The following TTC13 variants were observed in gnomAD, a reference collection of about 807,000 sequenced individuals.
TTC13 encodes tetratricopeptide repeat domain 13, also known as tetratricopeptide repeat protein 13.
TTC13 carries 62 observed loss-of-function variants against 120.0 expected under a neutral mutation model. The ratio of observed to expected loss-of-function variants is 0.52; its 90% confidence interval spans 0.42 to 0.64. TTC13 has a LOEUF of 0.64. Among genes scored for constraint, TTC13 ranks in the 30% least tolerant of loss-of-function variants. The probability of loss-of-function intolerance (pLI) is 0.00; values close to 1 mark genes in which losing one functional copy is unlikely to be tolerated. For synonymous variants in TTC13, 384 were observed against 393.5 expected (o/e 0.98, Z 0.28); for missense variants, 824 against 1,050.2 (o/e 0.78, Z 2.98).
chr1:230,960,574 T>G lies in TTC13; in HGVS notation c.366+635A>C, dbSNP rs1157865914. Among the ~76,000 whole-genome samples the G allele has an allele frequency of 6.5e-5, 9 of 138,686 alleles. No individual in the cohort carries two copies. In the East Asian group the frequency reaches 1.7e-3, roughly 26 times the overall value. The allele number at this position is 138,686 out of a possible 152,430, so 91.0% of individuals were successfully genotyped here. ...TCACATGAAAAGGCAAGGCTTTGTTTGAAAAAAAAAAAAAAGAGTATCTTA... is the reference window on the plus strand; with the variant it reads ...TCACATGAAAAGGCAAGGCTTTGTTGGAAAAAAAAAAAAAAGAGTATCTTA... On this transcript the variant is annotated intron_variant, in intron 2 of 22. Transcript: ENST00000366661.
At position 230,923,726 on chromosome 1, in the gene TTC13, T is replaced by C. The variant is rs1672799726; in HGVS notation, c.1814+115A>G. 6.3e-6 allele frequency: 5 copies of C among 798,480 alleles called. No individual in the cohort carries two copies. The East Asian group carries it at 1.0e-4, about 16-fold the overall frequency. The allele number at this position is 798,480 out of a possible 1,614,324, so 49.5% of individuals were successfully genotyped here. A position where few individuals can be genotyped will look rare whatever the true frequency, so the allele number is the denominator to read the frequency against. On this transcript the variant is annotated intron_variant, in intron 15 of 22. Transcript: ENST00000366661. ...CACAGGTGCAGAGTCAATCAGTATGTTCCCTGGTCAAAAAGTCACCAGGAA... is the reference window on the plus strand; with the variant it reads ...CACAGGTGCAGAGTCAATCAGTATGCTCCCTGGTCAAAAAGTCACCAGGAA...
At chr1:230,977,430 C>G (rs933662313) in intron 1 of TTC13, among the ~76,000 whole-genome samples, 2 of 152,122 alleles carry the variant, frequency 1.3e-5, no homozygotes, top group African/African-American at 4.8e-5. Context: ...CTTTCTCCAC[C>G]GTGCAAGGCT....
rs141004482 is a variant in TTC13 at position 230,937,152 on chromosome 1, T to G, written c.900+2234A>C. Among the ~76,000 whole-genome samples, 168 of 152,376 alleles carry G rather than the reference T, an allele frequency of 1.1e-3. 1 individual carries two copies. Among genetic ancestry groups the G allele is most frequent in the Non-Finnish European group, 1.9e-3 (128 of 68,038 alleles). ...TTTCTAGGTTCTTATCATGCAGATC[T>G]AAAGCAAATCAAACTGAATTTCAGT... On this transcript the variant is annotated intron_variant, in intron 8 of 22. Coordinates refer to ENST00000366661, the MANE Select transcript of TTC13 (RefSeq NM_024525.5).
chr1:230,939,304 G>T, intron 8 of TTC13, 82 bp downstream of exon 8: 2 of 699,526 alleles, frequency 2.9e-6, no homozygotes, highest in Non-Finnish European at 4.8e-6. Context: ...ATAAATACCA[G>T]CCATCAATCA....
In TTC13 at chr1:230,930,766, A is replaced by T. The variant is rs560881333; in HGVS notation, c.1300+532T>A. 5.9e-5 allele frequency among the ~76,000 whole-genome samples: 9 copies of T among 152,240 alleles called. No individual in the cohort carries two copies. The East Asian group carries it at 1.7e-3, about 29-fold the overall frequency. ...AACCCTGTCTCTACTAAGAATACAA[A>T]AATCAGCTGGGCATGATGGCGCGCC... On this transcript the variant is annotated intron_variant, in intron 11 of 22. Transcript: ENST00000366661.
At chr1:230,950,936 C>T (rs184298075) in intron 4 of TTC13, among the ~76,000 whole-genome samples, 95 of 152,320 alleles carry the variant, frequency 6.2e-4, no homozygotes, top group Non-Finnish European at 1.3e-4. Context: ...ATGGAAATGA[C>T]TTCAGGGCAT....
intron 14 of TTC13, 62 bp from the exon 15 acceptor site, chr1:230,923,995 A>G: frequency 1.5e-6 from 2 of 1,359,504 alleles, no homozygotes; most frequent in East Asian, 2.4e-5. Flanking sequence ...TAAAACATGT[A>G]GAAGTGTTTG....
chr1:230,964,966 C>G (rs936545750), intron 1 of TTC13, among the ~76,000 whole-genome samples: 1 of 152,150 alleles, frequency 6.6e-6, no homozygotes, highest in South Asian at 2.1e-4. Flanking sequence ...TCACCATATA[C>G]AAAATGAAAT....
At chr1:230,923,033 T>A (rs887490693) in intron 15 of TTC13, among the ~76,000 whole-genome samples, 1 of 152,164 alleles carries the variant, frequency 6.6e-6, no homozygotes, top group African/African-American at 2.4e-5. Context: ...TAAATATACA[T>A]ACAAATTATA....
chr1:230,978,074 C>T lies in TTC13; in HGVS notation c.271+486G>A, dbSNP rs955329494. 6.6e-6 allele frequency among the ~76,000 whole-genome samples: 1 copy of T among 152,194 alleles called. No individual in the cohort carries two copies. Among genetic ancestry groups the T allele is most frequent in the Non-Finnish European group, 1.5e-5 (1 of 68,030 alleles). On this transcript the variant is annotated intron_variant, in intron 1 of 22. Coordinates refer to ENST00000366661, the MANE Select transcript of TTC13 (RefSeq NM_024525.5). This position sits in a 1 kb window ranked among gnomAD's most constrained non-coding sequence, Gnocchi z 5.6. ...TTTTTAGGAACTGTTGTATACGAGA[C>T]ATTAACCCGGGAGGTCAGGAAGCCT...
At chr1:230,920,115 G>T (rs1357782252) in intron 17 of TTC13, among the ~76,000 whole-genome samples, 2 of 151,996 alleles carry the variant, frequency 1.3e-5, no homozygotes, top group Admixed American at 1.3e-4. Flanking sequence ...ACCGTGCAGT[G>T]GTCTAATAAA....
chr1:230,921,760 C>T (rs1048486618), intron 15 of TTC13, among the ~76,000 whole-genome samples: 1 of 152,152 alleles, frequency 6.6e-6, no homozygotes, highest in East Asian at 1.9e-4. Context: ...GAAGACAAAT[C>T]CCCCAGCACT....
intron 1 of TTC13, among the ~76,000 whole-genome samples, chr1:230,965,238 A>C (rs1677025078): frequency 6.6e-6 from 1 of 152,246 alleles, no homozygotes; most frequent in South Asian, 2.1e-4. Context: ...CTGACAAGCG[A>C]TTAGTAACCA....
chr1:230,968,187 G>T (rs115247771), intron 1 of TTC13, among the ~76,000 whole-genome samples: 3,995 of 74,166 alleles, frequency 0.054, 189 homozygotes, highest in African/African-American at 0.25. Context: ...ATGGTGGTGG[G>T]GGGGGGGCCT....
At position 230,940,887 on chromosome 1, in the gene TTC13, T is replaced by C. The variant is rs1674480767; in HGVS notation, c.673-331A>G. Reference sequence around the variant, plus strand: ...ATCTTTTAAATCAAAATTTGGCATCTATACACAAAGATGTCAAAATTAACC... The same window carrying C: ...ATCTTTTAAATCAAAATTTGGCATCCATACACAAAGATGTCAAAATTAACC... On this transcript the variant is annotated intron_variant, in intron 6 of 22. Transcript: ENST00000366661. This position sits in a 1 kb window ranked among gnomAD's most constrained non-coding sequence, Gnocchi z 4.1. Among the ~76,000 whole-genome samples, 1 of 152,258 alleles carries C rather than the reference T, an allele frequency of 6.6e-6. No individual in the cohort carries two copies. Among genetic ancestry groups the C allele is most frequent in the Non-Finnish European group, 1.5e-5 (1 of 68,050 alleles).
chr1:230,956,516 T>C (rs779055718), intron 3 of TTC13: 2 of 379,428 alleles, frequency 5.3e-6, no homozygotes, highest in Non-Finnish European at 1.0e-5. Context: ...TCCTTTCAAA[T>C]CTAAATTTTT....
At position 230,952,309 on chromosome 1, in the gene TTC13, G is replaced by T. The variant is rs139668145; in HGVS notation, c.513+2024C>A. Among the ~76,000 whole-genome samples the T allele has an allele frequency of 7.0e-4, 107 of 152,232 alleles. 1 individual carries two copies. Among genetic ancestry groups the T allele is most frequent in the African/African-American group, 2.4e-3 (98 of 41,528 alleles). The stretch of plus-strand genomic sequence containing the variant: ...ATCTGCCATGATGTGGAAAGAGCTG[G>T]GAAGCACTGAGATAAAGGGTAAGGA... On this transcript the variant is annotated intron_variant, in intron 4 of 22. Coordinates refer to ENST00000366661, the MANE Select transcript of TTC13 (RefSeq NM_024525.5).
chr1:230,915,904 C>CG (rs572684591), intron 18 of TTC13, among the ~76,000 whole-genome samples: 769 of 17,336 alleles, frequency 0.044, 7 homozygotes, highest in African/African-American at 0.12. Flanking sequence ...GCCTCCCTCG[C>CG]CCCCCCAAGG....
chr1:230,912,633 G>A lies in TTC13; in HGVS notation c.2219C>T (p.Ser740Leu), dbSNP rs367664495. Reference sequence around the variant, plus strand: ...CAAAGAGAAACCTACCCCAAATTCTGATGAAAGAATCAATACTTTTCCTTT... The same window carrying A: ...CAAAGAGAAACCTACCCCAAATTCTAATGAAAGAATCAATACTTTTCCTTT... ...TAKGKVLILS[S>L]EFGEADAVCN... The change falls in exon 19 of 23, where the codon TCA becomes TTA. Residue 740 changes from serine to leucine, a missense_variant. Physicochemically the swap from Ser to Leu is moderately radical, Grantham distance 145. This residue lies in a region of TTC13 where 226 missense variants were observed against 259.1 expected (regional missense o/e 0.87). Transcript: ENST00000366661. 2.5e-6 allele frequency: 4 copies of A among 1,610,530 alleles called. No homozygotes were observed. Among genetic ancestry groups the A allele is most frequent in the Admixed American group, 1.7e-5 (1 of 59,426 alleles).
Sources: allele counts gnomAD v4.1 joint callset (sites outside exome capture counted in the v4.1 genomes callset), GRCh38; gene constraint gnomAD v4.1.1; regional missense constraint gnomAD v4.1.1; non-coding constraint Gnocchi (gnomAD v3.1); transcripts MANE v1.5; gene names NCBI Gene and HGNC (gene_info 2026-07-23, HGNC 2026-07-21).